Variants in GOLM1 observed in about 807,000 individuals in gnomAD.
GOLM1 encodes the protein epididymis luminal protein 46.
GOLM1 carries 31 observed loss-of-function variants against 50.5 expected under a neutral mutation model. That is an observed-to-expected ratio of 0.61 (90% CI 0.46 to 0.83). The LOEUF (loss-of-function observed/expected upper bound fraction) is 0.83, where lower values mean the gene tolerates loss of function less well. Ranked by LOEUF, GOLM1 falls within the 40% of genes least tolerant of loss-of-function variation. GOLM1 has a pLI of 0.00. For missense variants in GOLM1, 491 were observed against 501.3 expected, an observed-to-expected ratio of 0.98 and a Z score of 0.20; for synonymous variants, 178 against 192.8, an observed-to-expected ratio of 0.92 and a Z score of 0.64.
chr9:86,078,339 C>T (rs1278640511), intron 2 of GOLM1, among the ~76,000 whole-genome samples: 1 of 152,186 alleles, frequency 6.6e-6, no homozygotes, highest in Non-Finnish European at 1.5e-5. Context: ...AAATTGTGCT[C>T]AATGCCGAAC....
At position 86,046,174 on chromosome 9, in the gene GOLM1, T is replaced by C. The variant is rs751254292; in HGVS notation, c.467+296A>G. Reference sequence around the variant, plus strand: ...CAACGAATTTGATTTAGCTCACGCATGAGCACCTATGAAACACATTTTTAA... The same window carrying C: ...CAACGAATTTGATTTAGCTCACGCACGAGCACCTATGAAACACATTTTTAA... On this transcript the variant is annotated intron_variant, in intron 5 of 9. Coordinates refer to ENST00000388712, the MANE Select transcript of GOLM1 (RefSeq NM_016548.4). 5.1e-4 allele frequency among the ~76,000 whole-genome samples: 77 copies of C among 152,258 alleles called. 1 individual carries two copies. Among genetic ancestry groups the C allele is most frequent in the Non-Finnish European group, 1.0e-4 (7 of 68,046 alleles).
At chr9:86,037,294 G>A (rs1471727814) in intron 6 of GOLM1, among the ~76,000 whole-genome samples, 1 of 152,024 alleles carries the variant, frequency 6.6e-6, no homozygotes, top group African/African-American at 2.4e-5. Context: ...AGGCACCTGT[G>A]ATTCCAGCTA....
intron 9 of GOLM1, among the ~76,000 whole-genome samples, chr9:86,029,688 G>T (rs984832356): frequency 1.3e-5 from 2 of 152,164 alleles, no homozygotes; most frequent in African/African-American, 4.8e-5. Flanking sequence ...AGCAAGTAAG[G>T]TCTCACTGTT....
intron 7 of GOLM1, among the ~76,000 whole-genome samples, chr9:86,036,113 G>A (rs1833134257): frequency 6.6e-6 from 1 of 151,556 alleles, no homozygotes; most frequent in South Asian, 2.1e-4. Flanking sequence ...GCATAAAGGT[G>A]CAGCCTGGGC....
Position 86,035,444 on chromosome 9 carries a change from T to C in GOLM1, c.939A>G (p.Pro313=). The C allele has an allele frequency of 6.2e-7, 1 of 1,613,908 alleles. No individual in the cohort carries two copies. The highest frequency in any genetic ancestry group is 1.1e-5 in the South Asian group (1 of 91,072). ...QAALSVSQEN[P]EMEGPERDQL... ...GGTCTCGCTCAGGGCCCTCCATCTC[T>C]GGATTTTCCTGGCTCACTGACAGGG... The change falls in exon 8 of 10, where the codon CCA becomes CCG. Residue 313 remains proline, a synonymous_variant. Transcript: ENST00000388712.
intron 1 of GOLM1, among the ~76,000 whole-genome samples, chr9:86,093,975 G>A (rs1220234992): frequency 2.0e-5 from 3 of 152,170 alleles, no homozygotes; most frequent in South Asian, 2.1e-4. Context: ...TGGCCCCAGC[G>A]GCTCAGCAGG....
intron 4 of GOLM1, among the ~76,000 whole-genome samples, chr9:86,049,759 A>T (rs1449072617): frequency 6.6e-6 from 1 of 152,190 alleles, no homozygotes; most frequent in Admixed American, 6.5e-5. Flanking sequence ...GCTTAAGGAG[A>T]TTTTGAGCTG....
chr9:86,034,025 C>T (rs1046568083), intron 8 of GOLM1, among the ~76,000 whole-genome samples: 3 of 148,116 alleles, frequency 2.0e-5, no homozygotes, highest in East Asian at 2.0e-4. Context: ...AGTGCGGTGG[C>T]GTAATCTCGG....
chr9:86,099,647 G>A, upstream of GOLM1: 1 of 150,172 alleles, frequency 6.7e-6, no homozygotes, highest in East Asian at 2.0e-4. Context: ...AAGCGAGGCA[G>A]GGGCTGCCGG....
At position 86,040,720 on chromosome 9, in the gene GOLM1, G is replaced by A; in HGVS notation, c.597+19C>T. ...TAGGGGTACCTTCTAGAAACTCTTG[G>A]CAAAAATTCCCCAGTTACCTGCTGT... On this transcript the variant is annotated intron_variant, in intron 6 of 9. Transcript: ENST00000388712. 2 of 1,603,686 alleles carry A rather than the reference G, an allele frequency of 1.2e-6. No homozygotes were observed. The highest frequency in any genetic ancestry group is 1.7e-6 in the Non-Finnish European group (2 of 1,176,744).
At chr9:86,059,899 CAAAAAAAAAAAAAAA>C (rs139699884) in intron 3 of GOLM1, among the ~76,000 whole-genome samples, 2 of 52,450 alleles carry the variant, frequency 3.8e-5, no homozygotes, top group Non-Finnish European at 7.5e-5. Flanking sequence ...GAGTCTATCT[CAAAAAAAAAAAAAAA>C]AAAAAAAAAG....
intron 3 of GOLM1, among the ~76,000 whole-genome samples, chr9:86,063,099 G>A (rs1271901429): frequency 6.6e-6 from 1 of 152,220 alleles, no homozygotes; most frequent in Admixed American, 6.5e-5. Flanking sequence ...AGGAGCTGCC[G>A]AACCAGAGGA....
At position 86,063,971 on chromosome 9, in the gene GOLM1, C is replaced by G. The variant is rs145485449; in HGVS notation, c.310-11380G>C. Among the ~76,000 whole-genome samples the G allele has an allele frequency of 9.0e-4, 137 of 152,342 alleles. 1 individual carries two copies. The highest frequency in any genetic ancestry group is 3.1e-3 in the African/African-American group (129 of 41,566). On this transcript the variant is annotated intron_variant, in intron 3 of 9. Coordinates refer to ENST00000388712, the MANE Select transcript of GOLM1 (RefSeq NM_016548.4). Reference sequence around the variant, plus strand: ...GCACGACAATGCTTTCCATGTGGAACTTGTCCATGGCATGTTTAAAAATCA... The same window carrying G: ...GCACGACAATGCTTTCCATGTGGAAGTTGTCCATGGCATGTTTAAAAATCA...
chr9:86,096,731 ATGT>A (rs2118917053), intron 1 of GOLM1, among the ~76,000 whole-genome samples: 1 of 152,332 alleles, frequency 6.6e-6, no homozygotes, highest in Admixed American at 6.5e-5. Context: ...TCTACCTCTA[ATGT>A]TGTTAACAAA....
chr9:86,063,482 AAAACTGAACC>A (rs1834219346), intron 3 of GOLM1, among the ~76,000 whole-genome samples: 1 of 152,254 alleles, frequency 6.6e-6, no homozygotes, highest in Non-Finnish European at 1.5e-5. Flanking sequence ...AAGAGAAACT[AAAACTGAACC>A]AAGTGTACAG....
At chr9:86,052,432 C>T (rs1041955485) in intron 4 of GOLM1, 105 bp downstream of exon 4, 23 of 879,256 alleles carry the variant, frequency 2.6e-5, no homozygotes, top group East Asian at 2.2e-4. Flanking sequence ...TGACACTATC[C>T]GCCATGAGAT....
intron 3 of GOLM1, among the ~76,000 whole-genome samples, chr9:86,070,340 A>G (rs1012697094): frequency 3.9e-5 from 6 of 151,986 alleles, no homozygotes; most frequent in African/African-American, 1.4e-4. Flanking sequence ...TTGGGAGGCC[A>G]AGGTGGGCGG....
chr9:86,042,419 G>C (rs1411614970), intron 5 of GOLM1, among the ~76,000 whole-genome samples: 3 of 147,686 alleles, frequency 2.0e-5, no homozygotes, highest in Non-Finnish European at 4.5e-5. Context: ...AGCCAAATGT[G>C]AGTGAGTACT....
Position 86,052,543 on chromosome 9 carries a change from G to A in GOLM1, c.358C>T (p.Leu120=), listed in dbSNP as rs200477805. 1.2e-5 allele frequency: 20 copies of A among 1,613,492 alleles called. No homozygotes were observed. Among genetic ancestry groups the A allele is most frequent in the African/African-American group, 2.7e-5 (2 of 74,902 alleles). The change falls in exon 4 of 10, where the codon CTG becomes TTG. Residue 120 remains leucine (L), a synonymous_variant. Coordinates refer to ENST00000388712, the MANE Select transcript of GOLM1 (RefSeq NM_016548.4). ...AGGAGCGAGCGGAACTTACCTTGCA[G>A]CACTCGGATGAGCCTCTCACCTGTG... ...ITTGERLIRV[L]QDQLKTLQRN...
Sources: allele counts gnomAD v4.1 joint callset (sites outside exome capture counted in the v4.1 genomes callset), GRCh38; gene constraint gnomAD v4.1.1; transcripts MANE v1.5; gene names NCBI Gene and HGNC (gene_info 2026-07-23, HGNC 2026-07-21).